LRMDA: variants seen among roughly 807,000 people sequenced by gnomAD.
LRMDA encodes leucine rich melanocyte differentiation associated.
Under a neutral mutation model 29.8 loss-of-function variants are expected in LRMDA, and 18 were observed. That is an observed-to-expected ratio of 0.60 (90% confidence interval 0.42 to 0.90). LRMDA has a LOEUF of 0.90. LRMDA is among the 40% of genes least tolerant of loss of function. LRMDA has a pLI of 0.00. For synonymous variants in LRMDA, 125 were observed against 109.4 expected (o/e 1.14, Z -0.89); for missense variants, 273 against 273.9 (o/e 1.00, Z 0.02).
At chr10:76,451,176 G>GA (rs1245998754) in intron 6 of LRMDA, among the ~76,000 whole-genome samples, 1 of 151,908 alleles carries the variant, frequency 6.6e-6, no homozygotes, top group Non-Finnish European at 1.5e-5. Flanking sequence ...GGATGTCTAG[G>GA]AAGCATTCTT....
intron 5 of LRMDA, among the ~76,000 whole-genome samples, chr10:76,314,984 G>A (rs547931038): frequency 6.6e-6 from 1 of 152,288 alleles, no homozygotes; most frequent in South Asian, 2.1e-4. Context: ...CTTTGTATGT[G>A]CACTAAATAA....
At chr10:75,441,298 C>T (rs1372414894) in intron 2 of LRMDA, among the ~76,000 whole-genome samples, 4 of 152,214 alleles carry the variant, frequency 2.6e-5, no homozygotes, top group Non-Finnish European at 5.9e-5. Context: ...CCCAGTCAGG[C>T]TGCCCTGCAC....
rs759318167 is a variant in LRMDA, at chr10:76,557,279, C to A, written c.672C>A (p.Asp224Glu). ...AGGGCAACAGGTTTATCCGAGATGA[C>A]CAGCTCTGAAGCCAACTTCTGTATA... ...NSEGNRFIRDDQL is the reference protein window; with the variant it reads ...NSEGNRFIRDEQL Residue 224 changes from aspartate (D) to glutamate (E), a missense_variant, in exon 7 of 7, where the codon GAC becomes GAA. Physicochemically the swap from Asp to Glu is conservative, Grantham distance 45 (BLOSUM62 2). Transcript: ENST00000611255. 1.9e-6 allele frequency: 3 copies of A among 1,613,398 alleles called. No homozygotes were observed. Among genetic ancestry groups the A allele is most frequent in the Non-Finnish European group, 1.7e-6 (2 of 1,179,340 alleles).
At chr10:75,780,205 G>A in intron 2 of LRMDA, among the ~76,000 whole-genome samples, 1 of 152,202 alleles carries the variant, frequency 6.6e-6, no homozygotes, top group East Asian at 1.9e-4. Context: ...AATTTCTGTT[G>A]TTTTAAGTCA....
intron 2 of LRMDA, among the ~76,000 whole-genome samples, chr10:75,983,742 C>T (rs1847214246): frequency 6.6e-6 from 1 of 152,138 alleles, no homozygotes; most frequent in African/African-American, 2.4e-5. Context: ...GCAACCTCTG[C>T]CTCCCCAGTT....
intron 2 of LRMDA, among the ~76,000 whole-genome samples, chr10:76,031,615 C>T (rs1848151936): frequency 6.6e-6 from 1 of 152,112 alleles, no homozygotes. Flanking sequence ...TCAGAGAGAT[C>T]CATACAGAAC....
intron 2 of LRMDA, among the ~76,000 whole-genome samples, chr10:76,001,763 C>T (rs992870608): frequency 6.6e-6 from 1 of 151,996 alleles, no homozygotes; most frequent in African/African-American, 2.4e-5. Context: ...GAGGAGAGCC[C>T]TTGACGCTAT....
rs147747075 is a variant in LRMDA, at chr10:75,985,530, T to A, written c.132-50478T>A. Among the ~76,000 whole-genome samples the A allele has an allele frequency of 2.0e-5, 3 of 152,342 alleles. No individual in the cohort carries two copies. The East Asian group carries it at 5.8e-4, about 29-fold the overall frequency. ...AACTCCACAAGGCTTTCATATTCTCTTCTCATCAACCTCAGTCAAAAAAGA... is the reference window on the plus strand; with the variant it reads ...AACTCCACAAGGCTTTCATATTCTCATCTCATCAACCTCAGTCAAAAAAGA... On this transcript the variant is annotated intron_variant, in intron 2 of 6. Transcript: ENST00000611255.
intron 5 of LRMDA, among the ~76,000 whole-genome samples, chr10:76,222,369 A>G (rs1427703433): frequency 2.0e-5 from 3 of 152,214 alleles, no homozygotes; most frequent in Admixed American, 6.5e-5. Flanking sequence ...CAACCTACTC[A>G]TCTGACAAAG....
At chr10:76,416,894 T>A (rs1479085270) in intron 6 of LRMDA, among the ~76,000 whole-genome samples, 2 of 152,196 alleles carry the variant, frequency 1.3e-5, no homozygotes, top group Non-Finnish European at 2.9e-5. Flanking sequence ...GCACTGCCCA[T>A]TCTTGCATTT....
chr10:76,380,772 GA>G (rs1457932830), intron 6 of LRMDA, among the ~76,000 whole-genome samples: 1 of 150,678 alleles, frequency 6.6e-6, no homozygotes, highest in East Asian at 1.9e-4. Context: ...TGCTTTATCA[GA>G]GGACAGAAAC....
At chr10:75,491,134 C>T (rs967345462) in intron 2 of LRMDA, among the ~76,000 whole-genome samples, 1 of 152,244 alleles carries the variant, frequency 6.6e-6, no homozygotes, top group Admixed American at 6.5e-5. Context: ...ATATTCTTTC[C>T]TGACTTGGAA....
At chr10:75,748,187 A>G (rs1476314742) in intron 2 of LRMDA, among the ~76,000 whole-genome samples, 2 of 151,918 alleles carry the variant, frequency 1.3e-5, no homozygotes, top group Admixed American at 1.3e-4. Flanking sequence ...TCTGCCTCCC[A>G]GGTTCAAGTG....
chr10:75,976,271 C>G (rs997671682), intron 2 of LRMDA, among the ~76,000 whole-genome samples: 3 of 152,252 alleles, frequency 2.0e-5, no homozygotes, highest in Non-Finnish European at 4.4e-5. Context: ...ATCTTAGAAT[C>G]TTTAACAAGC....
intron 2 of LRMDA, among the ~76,000 whole-genome samples, chr10:75,819,034 T>C (rs1844111220): frequency 6.6e-6 from 1 of 152,244 alleles, no homozygotes. Flanking sequence ...AAGATTACTC[T>C]AGGCAAATTT....
intron 5 of LRMDA, among the ~76,000 whole-genome samples, chr10:76,257,225 A>T (rs1589397370): frequency 6.6e-6 from 1 of 152,242 alleles, no homozygotes; most frequent in East Asian, 1.9e-4. Context: ...AATAATTACT[A>T]ATTACGTGCT....
chr10:76,295,921 T>A (rs1453585717), intron 5 of LRMDA, among the ~76,000 whole-genome samples: 2 of 152,234 alleles, frequency 1.3e-5, no homozygotes, highest in African/African-American at 4.8e-5. Flanking sequence ...GACTGATACA[T>A]CTTTGGAATT....
chr10:76,037,916 C>G (rs538596259), intron 3 of LRMDA, among the ~76,000 whole-genome samples: 15 of 152,248 alleles, frequency 9.9e-5, no homozygotes, highest in African/African-American at 3.4e-4. Context: ...AGGGGAGGGC[C>G]TACATGTAAA....
rs935252693 is a variant in LRMDA, at chr10:75,866,178, A to G, written c.132-169830A>G. ...CCTGTGACTAGTCATATGGGCAGTG[A>G]GGGATCAGGATGGAAAGGCTAGAGA... On this transcript the variant is annotated intron_variant, in intron 2 of 6. Transcript: ENST00000611255. Among the ~76,000 whole-genome samples the G allele has an allele frequency of 8.5e-5, 13 of 152,314 alleles. 1 individual carries two copies. The highest frequency in any genetic ancestry group is 3.1e-4 in the African/African-American group (13 of 41,570).
Sources: gnomAD v4.1 joint callset for allele counts (sites outside exome capture counted in the v4.1 genomes callset) on GRCh38, gnomAD v4.1.1 for gene constraint, MANE v1.5 for transcripts, NCBI Gene and HGNC (gene_info 2026-07-23, HGNC 2026-07-21) for gene names.